LRRFIP2: variants seen among roughly 807,000 people sequenced by gnomAD.
LRRFIP2 encodes the protein LRR binding FLII interacting protein 2.
In LRRFIP2, 109 loss-of-function variants were observed where a neutral mutation model predicts 125.9. That is an observed-to-expected ratio of 0.87 (90% CI 0.74 to 1.01). The LOEUF is 1.01. LRRFIP2 is among the 50% of genes least tolerant of loss of function. The probability of loss-of-function intolerance (pLI) is 0.00; values close to 1 mark genes in which losing one functional copy is unlikely to be tolerated. For synonymous variants in LRRFIP2, 291 were observed against 293.1 expected, an observed-to-expected ratio of 0.99 and a Z score of 0.07; for missense variants, 850 against 862.3, an observed-to-expected ratio of 0.99 and a Z score of 0.18.
intron 25 of LRRFIP2, among the ~76,000 whole-genome samples, chr3:37,057,340 G>GT (rs2148633236): frequency 6.6e-6 from 1 of 152,112 alleles, no homozygotes; most frequent in East Asian, 1.9e-4. Context: ...GCTCACCACT[G>GT]TAGTAGCTTC....
chr3:37,075,182 T>C, intron 19 of LRRFIP2, 66 bp from the exon 20 acceptor site: 2 of 1,083,850 alleles, frequency 1.8e-6, no homozygotes, highest in Non-Finnish European at 2.8e-6. Flanking sequence ...ACATACACAA[T>C]ACAACACAGA....
chr3:37,101,207 A>T (rs2094021114), intron 15 of LRRFIP2, among the ~76,000 whole-genome samples: 1 of 152,002 alleles, frequency 6.6e-6, no homozygotes, highest in Admixed American at 6.6e-5. Flanking sequence ...AATAAAAAAA[A>T]TTAGCCAGGC....
chr3:37,127,780 T>C (rs773377448), intron 3 of LRRFIP2, 100 bp from the exon 4 acceptor site: 9 of 892,156 alleles, frequency 1.0e-5, no homozygotes, highest in Non-Finnish European at 1.6e-5. Flanking sequence ...AAAACAATGA[T>C]AGCTGACTCA....
chr3:37,061,358 C>G (rs2088644143), intron 24 of LRRFIP2, among the ~76,000 whole-genome samples: 1 of 151,834 alleles, frequency 6.6e-6, no homozygotes, highest in South Asian at 2.1e-4. Context: ...CTACAGCTTG[C>G]AGAACCATGA....
At chr3:37,101,668 GAA>G (rs56878231) in intron 15 of LRRFIP2, among the ~76,000 whole-genome samples, 23 of 128,360 alleles carry the variant, frequency 1.8e-4, no homozygotes, top group South Asian at 2.6e-4. Context: ...CTGTCACCAA[GAA>G]AAAAAAAAAA....
chr3:37,115,316 T>C (rs1277281976), intron 6 of LRRFIP2, among the ~76,000 whole-genome samples: 1 of 152,248 alleles, frequency 6.6e-6, no homozygotes, highest in Non-Finnish European at 1.5e-5. Flanking sequence ...AAACTGTATG[T>C]TTATTTTTCT....
rs1277755591 is a variant in LRRFIP2 at position 37,110,997 on chromosome 3, G to A, written c.507C>T (p.Tyr169=). 7 of 1,613,536 alleles carry A rather than the reference G, an allele frequency of 4.3e-6. No homozygotes were observed. Among genetic ancestry groups the A allele is most frequent in the Admixed American group, 1.7e-5 (1 of 59,960 alleles). Residue 169 remains tyrosine (Y), a synonymous_variant, in exon 9 of 28, where the codon TAC becomes TAT. Coordinates refer to ENST00000336686, the MANE Select transcript of LRRFIP2 (RefSeq NM_006309.4). ...CAAAAAAGTTTAGACAAACCCGAGT[G>A]TAGTAGGCAGAGGTGGGTTTGCTAT... ...LRHSKPTSAY[Y]TRQSSSLYSD... is the part of the protein sequence containing the mutation.
intron 17 of LRRFIP2, 41 bp downstream of exon 17, chr3:37,094,751 A>C: frequency 7.3e-7 from 1 of 1,360,748 alleles, no homozygotes; most frequent in Non-Finnish European, 1.1e-6. Flanking sequence ...TACCAAGTCA[A>C]AAAACTGCTT....
At chr3:37,054,975 C>G in intron 26 of LRRFIP2, 111 bp downstream of exon 26, 2 of 694,050 alleles carry the variant, frequency 2.9e-6, no homozygotes, top group Non-Finnish European at 5.0e-6. Context: ...TATTTTAATA[C>G]AGAACTATTA....
At chr3:37,153,179 T>C (rs961736491) in intron 1 of LRRFIP2, among the ~76,000 whole-genome samples, 5 of 152,102 alleles carry the variant, frequency 3.3e-5, no homozygotes, top group African/African-American at 1.2e-4. Context: ...GGAGAACTGC[T>C]TGAGCATAGG....
chr3:37,104,945 A>G (rs541498296), intron 14 of LRRFIP2, among the ~76,000 whole-genome samples: 6 of 152,266 alleles, frequency 3.9e-5, no homozygotes, highest in Admixed American at 3.3e-4. Context: ...CCTGGGCTCA[A>G]GCAATCCTCC....
intron 1 of LRRFIP2, among the ~76,000 whole-genome samples, chr3:37,155,826 G>C (rs1187395446): frequency 6.6e-6 from 1 of 152,084 alleles, no homozygotes; most frequent in African/African-American, 2.4e-5. Context: ...CAGATGGTAG[G>C]TACATGAGTG....
At chr3:37,158,868 C>T (rs2096266424) in intron 1 of LRRFIP2, among the ~76,000 whole-genome samples, 2 of 152,088 alleles carry the variant, frequency 1.3e-5, no homozygotes, top group South Asian at 4.1e-4. Flanking sequence ...CAAATATTTA[C>T]TGAGAATTTG....
intron 1 of LRRFIP2, among the ~76,000 whole-genome samples, chr3:37,165,857 G>GAGAA (rs1489642015): frequency 2.4e-5 from 3 of 123,868 alleles, no homozygotes; most frequent in East Asian, 2.3e-4. Context: ...AAGAAAGAAA[G>GAGAA]AGAAAGAAAG....
At chr3:37,076,820 T>A (rs533338847) in intron 19 of LRRFIP2, among the ~76,000 whole-genome samples, 1 of 150,504 alleles carries the variant, frequency 6.6e-6, no homozygotes, top group East Asian at 2.0e-4. Flanking sequence ...GAGCCGAGAT[T>A]GCGCCATTGC....
In LRRFIP2 at chr3:37,170,079, A is replaced by G. The variant is rs188252238; in HGVS notation, c.-56+4460T>C. ...TCTCCTCACACTGAATCCTAAATAC[A>G]TTATCATCATCATCATTCTCATCAT... On this transcript the variant is annotated intron_variant, in intron 1 of 27. Transcript: ENST00000336686. Among the ~76,000 whole-genome samples the G allele has an allele frequency of 2.0e-3, 299 of 152,342 alleles. 2 individuals carry two copies. Among genetic ancestry groups the G allele is most frequent in the African/African-American group, 7.0e-3 (292 of 41,580 alleles).
rs2086011489 is a variant in LRRFIP2, at chr3:37,053,674, T to G, written c.*177A>C. 1 of 581,804 alleles carries G rather than the reference T, an allele frequency of 1.7e-6. No homozygotes were observed. The highest frequency in any genetic ancestry group is 3.1e-5 in the Admixed American group (1 of 32,548). The allele number at this position is 581,804 out of a possible 1,614,324, so 36.0% of individuals were successfully genotyped here. On this transcript the variant is annotated 3_prime_UTR_variant, in exon 28 of 28. Transcript: ENST00000336686. The stretch of plus-strand genomic sequence containing the variant: ...AATCAAACTACAACAAAATCCAAAG[T>G]GTTCATTCATGTAGATTCAAAATGA...
chr3:37,108,050 C>T (rs1158070347), intron 13 of LRRFIP2, 23 bp downstream of exon 13: 2 of 1,605,828 alleles, frequency 1.2e-6, no homozygotes, highest in Non-Finnish European at 1.7e-6. Context: ...TTCTACAAAG[C>T]ATGCAGAGAC....
intron 15 of LRRFIP2, among the ~76,000 whole-genome samples, chr3:37,098,723 A>G (rs1045899893): frequency 9.2e-5 from 14 of 152,076 alleles, no homozygotes; most frequent in African/African-American, 2.9e-4. Context: ...TATATTGCCA[A>G]TTATTGCCAT....
Sources: allele counts gnomAD v4.1 joint callset (sites outside exome capture counted in the v4.1 genomes callset), GRCh38; gene constraint gnomAD v4.1.1; transcripts MANE v1.5; gene names NCBI Gene and HGNC (gene_info 2026-07-23, HGNC 2026-07-21).